The following MAP2 variants were observed in gnomAD, a reference collection of about 807,000 sequenced individuals.
MAP2 encodes the protein microtubule associated protein 2.
In MAP2, 14 loss-of-function variants were observed where a neutral mutation model predicts 137.6. The observed-to-expected ratio is 0.10, with a 90% CI of 0.07 to 0.16. The LOEUF (loss-of-function observed/expected upper bound fraction) is 0.16. Among genes scored for constraint, MAP2 ranks in the 10% least tolerant of loss-of-function variants. The pLI is 1.00. For synonymous variants in MAP2, 786 were observed against 782.3 expected (o/e 1.00, Z -0.08); for missense variants, 2,088 against 2,191.5 (o/e 0.95, Z 0.94).
intron 5 of MAP2, among the ~76,000 whole-genome samples, chr2:209,666,774 T>A (rs974892091): frequency 2.0e-5 from 3 of 152,040 alleles, no homozygotes; most frequent in South Asian, 2.1e-4. Context: ...TTTATCATCT[T>A]ATGATGGAAT....
intron 1 of MAP2, among the ~76,000 whole-genome samples, chr2:209,461,981 G>A (rs1702930131): frequency 6.6e-6 from 1 of 151,752 alleles, no homozygotes; most frequent in Non-Finnish European, 1.5e-5. Context: ...TTACTCTCTG[G>A]TTTAGATGCC....
chr2:209,573,247 T>C (rs1268061774), intron 2 of MAP2, among the ~76,000 whole-genome samples: 2 of 151,958 alleles, frequency 1.3e-5, no homozygotes, highest in African/African-American at 4.8e-5. Flanking sequence ...GGGACCTTTT[T>C]ATTACTTTTT....
chr2:209,473,446 C>G (rs1023866540), intron 1 of MAP2, among the ~76,000 whole-genome samples: 4 of 152,128 alleles, frequency 2.6e-5, no homozygotes, highest in African/African-American at 7.2e-5. Flanking sequence ...GAAGAGTCTA[C>G]AGCAGGACCT....
chr2:209,632,204 G>A (rs2153554050), intron 4 of MAP2, among the ~76,000 whole-genome samples: 1 of 152,280 alleles, frequency 6.6e-6, no homozygotes, highest in South Asian at 2.1e-4. Flanking sequence ...AAAGAAACCT[G>A]TAGCTGAGGA....
chr2:209,696,105 C>T lies in MAP2; in HGVS notation c.3935C>T (p.Ala1312Val), dbSNP rs1174021738. The T allele has an allele frequency of 6.2e-7, 1 of 1,613,808 alleles. No individual in the cohort carries two copies. ...TCAGGGTCCCACAGCGTGCGTTTTG[C>T]AGCCCTAGAGCAGCCTGAGGTGGAA... ...GESGSHSVRF[A>V]ALEQPEVERR... The change falls in exon 8 of 16, where the codon GCA becomes GTA. Residue 1312 changes from alanine (A) to valine (V), a missense_variant. Physicochemically the swap from Ala to Val is moderately conservative, Grantham distance 64. Around this residue, in one of 6 missense-constraint regions of MAP2, gnomAD observed 591 missense variants for 642.6 expected, o/e 0.92. Coordinates refer to ENST00000682079, the MANE Select transcript of MAP2 (RefSeq NM_001375505.1).
chr2:209,487,646 A>C (rs113676400), intron 1 of MAP2, among the ~76,000 whole-genome samples: 36 of 152,230 alleles, frequency 2.4e-4, no homozygotes, highest in African/African-American at 8.4e-4. Context: ...CATTTCAAGG[A>C]AAAACTCAGA....
chr2:209,570,458 T>C (rs569540625), intron 2 of MAP2, among the ~76,000 whole-genome samples: 16 of 151,998 alleles, frequency 1.1e-4, no homozygotes, highest in South Asian at 4.1e-4. Flanking sequence ...ACTCTCAGAA[T>C]TGTTGAATAA....
chr2:209,512,290 A>T (rs1342451774), intron 2 of MAP2, among the ~76,000 whole-genome samples: 1 of 151,824 alleles, frequency 6.6e-6, no homozygotes, highest in African/African-American at 2.4e-5. Context: ...TGTAAATTAT[A>T]ATAAATAAAT....
chr2:209,603,631 C>G (rs1475111883), intron 3 of MAP2, among the ~76,000 whole-genome samples: 2 of 152,054 alleles, frequency 1.3e-5, no homozygotes, highest in African/African-American at 2.4e-5. Context: ...GTCTTTAATC[C>G]CTGTGAGGTG....
chr2:209,507,252 A>G (rs1274675541), intron 1 of MAP2, among the ~76,000 whole-genome samples: 2 of 152,256 alleles, frequency 1.3e-5, no homozygotes, highest in South Asian at 4.1e-4. Flanking sequence ...CTTAAGAGCA[A>G]TGGTAGTATA....
chr2:209,518,686 A>G (rs1339938045), intron 2 of MAP2, among the ~76,000 whole-genome samples: 9 of 151,892 alleles, frequency 5.9e-5, no homozygotes, highest in African/African-American at 2.2e-4. Context: ...GAGATTTTTC[A>G]TTCTCTCTTC....
chr2:209,522,192 A>G (rs2063378641), intron 2 of MAP2, among the ~76,000 whole-genome samples: 1 of 152,054 alleles, frequency 6.6e-6, no homozygotes, highest in African/African-American at 2.4e-5. Context: ...AGAAAAATAT[A>G]TTCAGTAAAG....
chr2:209,571,170 C>A (rs146552477), intron 2 of MAP2, among the ~76,000 whole-genome samples: 1 of 151,770 alleles, frequency 6.6e-6, no homozygotes, highest in Non-Finnish European at 1.5e-5. Flanking sequence ...ATACAAGAAC[C>A]CTTTTGCATA....
intron 4 of MAP2, among the ~76,000 whole-genome samples, chr2:209,643,619 G>A (rs559694979): frequency 3.5e-4 from 54 of 152,290 alleles, no homozygotes; most frequent in South Asian, 1.2e-3. Context: ...ATGCTAAGGG[G>A]TGTTTAAAGT....
chr2:209,605,190 C>T lies in MAP2; in HGVS notation c.-106-19863C>T, dbSNP rs1174270205. ...GTTCATTAGTAGTCCTCTCAACAAA[C>T]GTATTTCAGTGAGACTCATTTCACT... On this transcript the variant is annotated intron_variant, in intron 3 of 15. Transcript: ENST00000682079. Among the ~76,000 whole-genome samples the T allele has an allele frequency of 3.9e-5, 6 of 152,122 alleles. No individual in the cohort carries two copies. The East Asian group carries it at 1.2e-3, about 29-fold the overall frequency.
chr2:209,644,311 G>T (rs1249395127), intron 4 of MAP2, among the ~76,000 whole-genome samples: 6 of 152,074 alleles, frequency 3.9e-5, no homozygotes, highest in African/African-American at 1.4e-4. Context: ...CATTTATACA[G>T]ATTTAGAAAT....
chr2:209,502,219 C>T (rs2060465758), intron 1 of MAP2, among the ~76,000 whole-genome samples: 1 of 152,084 alleles, frequency 6.6e-6, no homozygotes, highest in African/African-American at 2.4e-5. Context: ...ATAATTGTGA[C>T]CTTATATCTT....
At chr2:209,456,523 T>C (rs1701576460) in intron 1 of MAP2, among the ~76,000 whole-genome samples, 1 of 152,164 alleles carries the variant, frequency 6.6e-6, no homozygotes, top group Admixed American at 6.5e-5. Flanking sequence ...GCAAACTGAG[T>C]CTGTATCTGT....
rs36091461 is a variant in MAP2, at chr2:209,695,557, G to A, written c.3387G>A (p.Glu1129=). 3,458 of 1,614,096 alleles carry A rather than the reference G, an allele frequency of 2.1e-3. 66 individuals are homozygous for A. In the African/African-American group the frequency reaches 0.039, roughly 18 times the overall value. ...ACCAGGAGGCTGTAGACAAGGAGGA[G>A]TCCTATGAATCTAGTGGTGAGCATG... The part of the protein sequence containing the change: ...LVHQEAVDKE[E]SYESSGEHES... Residue 1129 remains glutamate, a synonymous_variant, in exon 8 of 16, where the codon GAG becomes GAA. Transcript: ENST00000682079.
Sources: gnomAD v4.1 joint callset for allele counts (sites outside exome capture counted in the v4.1 genomes callset) on GRCh38, gnomAD v4.1.1 for gene constraint, gnomAD v4.1.1 regional missense constraint, MANE v1.5 for transcripts, NCBI Gene and HGNC (gene_info 2026-07-23, HGNC 2026-07-21) for gene names.